The following OPRM1 variants were observed in gnomAD, a reference collection of about 807,000 sequenced individuals.
OPRM1 encodes the protein opioid receptor mu 1.
In OPRM1, 27 loss-of-function variants were observed where a neutral mutation model predicts 31.8. The ratio of observed to expected loss-of-function variants is 0.85; its 90% CI spans 0.63 to 1.17. OPRM1 has a LOEUF of 1.17. OPRM1 is among the 50% of genes most tolerant of loss of function. OPRM1 has a pLI of 0.00. For missense variants in OPRM1, 536 were observed against 511.1 expected (o/e 1.05, Z -0.47); for synonymous variants, 196 against 189.9 (o/e 1.03, Z -0.26).
intron 3 of OPRM1, among the ~76,000 whole-genome samples, chr6:154,175,720 C>T (rs568778385): frequency 1.2e-4 from 19 of 152,270 alleles, no homozygotes; most frequent in South Asian, 6.2e-4. Context: ...CAGATGGATT[C>T]GCAGCCGAAT....
At chr6:154,140,555 C>T (rs1798176528) in intron 3 of OPRM1, among the ~76,000 whole-genome samples, 1 of 152,092 alleles carries the variant, frequency 6.6e-6, no homozygotes, top group African/African-American at 2.4e-5. Context: ...GTCTCAAATT[C>T]CTGACTTCAG....
At chr6:154,019,833 A>G (rs897666311) in intron 1 of OPRM1, among the ~76,000 whole-genome samples, 22 of 147,284 alleles carry the variant, frequency 1.5e-4, no homozygotes, top group African/African-American at 4.6e-4. Context: ...TTCCGGGCTC[A>G]AGCAATCCCC....
chr6:154,095,250 C>A (rs1793160201), intron 3 of OPRM1, among the ~76,000 whole-genome samples: 2 of 152,186 alleles, frequency 1.3e-5, no homozygotes, highest in Non-Finnish European at 2.9e-5. Flanking sequence ...CAGGTCGTGC[C>A]ATTGCACTCC....
chr6:154,208,369 C>T (rs950242749), intron 3 of OPRM1, among the ~76,000 whole-genome samples: 7 of 152,182 alleles, frequency 4.6e-5, no homozygotes, highest in East Asian at 1.9e-4. Flanking sequence ...TTCAAGGTTT[C>T]GCTCAGATCT....
rs35957369 is a variant in OPRM1 at position 154,200,025 on chromosome 6, A to G, written c.1165-46668A>G. 1,530 of 1,613,238 alleles carry G rather than the reference A, an allele frequency of 9.5e-4. 15 individuals are homozygous for G. In the African/African-American group the frequency reaches 0.018, roughly 19 times the overall value. ...CCACTCAGGCTGGGTGAGGATGAAGATGCCTGCTGTGCAGTCTATTTTTCA... is the reference window on the plus strand; with the variant it reads ...CCACTCAGGCTGGGTGAGGATGAAGGTGCCTGCTGTGCAGTCTATTTTTCA... On this transcript the variant is annotated intron_variant, in intron 3 of 3. Coordinates refer to the OPRM1 transcript ENST00000337049.
intron 3 of OPRM1, among the ~76,000 whole-genome samples, chr6:154,191,118 C>A (rs541801216): frequency 5.5e-4 from 83 of 152,084 alleles, no homozygotes; most frequent in African/African-American, 2.0e-3. Flanking sequence ...ATTCATATTA[C>A]CAAATGAAAG....
intron 3 of OPRM1, among the ~76,000 whole-genome samples, chr6:154,094,671 GAGAA>G (rs1396652169): frequency 6.6e-6 from 1 of 152,110 alleles, no homozygotes; most frequent in African/African-American, 2.4e-5. Flanking sequence ...CAGATTCCAA[GAGAA>G]AGAAAGAGAG....
intron 3 of OPRM1, among the ~76,000 whole-genome samples, chr6:154,219,985 AGTGTGTGTGT>A (rs57450665): frequency 0.017 from 2,331 of 140,106 alleles, 56 homozygotes; most frequent in African/African-American, 0.054. Flanking sequence ...ACCTGTAAGG[AGTGTGTGTGT>A]GTGTGTGTGT....
intron 3 of OPRM1, among the ~76,000 whole-genome samples, chr6:154,172,409 A>G (rs916230180): frequency 6.6e-6 from 1 of 152,162 alleles, no homozygotes; most frequent in Non-Finnish European, 1.5e-5. Flanking sequence ...GAGTAACCGT[A>G]CCTGGAGGAA....
intron 3 of OPRM1, among the ~76,000 whole-genome samples, chr6:154,140,407 T>G (rs1798169571): frequency 6.6e-6 from 1 of 151,952 alleles, no homozygotes; most frequent in Admixed American, 6.6e-5. Context: ...CTCAGATCAC[T>G]GCAACCTCCA....
At position 154,091,462 on chromosome 6, in the gene OPRM1, C is replaced by A. The variant is rs1347406881; in HGVS notation, c.1154C>A (p.Thr385Asn). ...HPSTANTVDR[T>N]NHQLENLEAE... ...TCCACGGCCAATACAGTGGATAGAA[C>A]TAATCATCAGGTACGCAGTCTCTAG... The change falls in exon 3 of 4, where the codon ACT (threonine) becomes AAT (asparagine). Residue 385 changes from threonine (T) to asparagine (N), a missense_variant. Coordinates refer to ENST00000330432, the MANE Select transcript of OPRM1 (RefSeq NM_000914.5). 6.2e-7 allele frequency: 1 copy of A among 1,611,614 alleles called. No homozygotes were observed.
At chr6:154,194,593 C>T (rs1237588729) in intron 3 of OPRM1, among the ~76,000 whole-genome samples, 1 of 152,178 alleles carries the variant, frequency 6.6e-6, no homozygotes, top group Non-Finnish European at 1.5e-5. Context: ...CTCTAGATTA[C>T]ACTTGTCACC....
intron 3 of OPRM1, chr6:154,221,365 G>C: frequency 6.5e-7 from 1 of 1,536,084 alleles, no homozygotes. Context: ...TAAAAAATTA[G>C]TGTTTATAGT....
chr6:154,049,443 G>A (rs1781787239), intron 1 of OPRM1, among the ~76,000 whole-genome samples: 1 of 152,130 alleles, frequency 6.6e-6, no homozygotes. Flanking sequence ...CAAATTTTTT[G>A]CTGCTCTATA....
chr6:154,061,927 A>G (rs1461404262), intron 1 of OPRM1, among the ~76,000 whole-genome samples: 1 of 152,194 alleles, frequency 6.6e-6, no homozygotes, highest in African/African-American at 2.4e-5. Context: ...AATGCGTTCT[A>G]TGAAAATTAA....
chr6:154,012,915 G>A (rs116648115), intron 1 of OPRM1, among the ~76,000 whole-genome samples: 1 of 151,964 alleles, frequency 6.6e-6, no homozygotes, highest in Non-Finnish European at 1.5e-5. Flanking sequence ...TCTCATAAGG[G>A]CACTCATCCC....
chr6:154,136,095 C>A (rs959037842), downstream of OPRM1, among the ~76,000 whole-genome samples: 2 of 152,110 alleles, frequency 1.3e-5, no homozygotes, highest in Non-Finnish European at 2.9e-5. Flanking sequence ...GCTGAGACAT[C>A]ATATCCCAGA....
intron 3 of OPRM1, among the ~76,000 whole-genome samples, chr6:154,206,169 A>G (rs1362621156): frequency 6.6e-6 from 1 of 152,218 alleles, no homozygotes; most frequent in Admixed American, 6.5e-5. Flanking sequence ...GTGATATCCC[A>G]TAAAGAATAT....
At chr6:154,182,358 C>T (rs1208122175) in intron 3 of OPRM1, among the ~76,000 whole-genome samples, 3 of 152,100 alleles carry the variant, frequency 2.0e-5, no homozygotes, top group South Asian at 2.1e-4. Context: ...ATTGGGTGAT[C>T]TTTAATGGTT....
Sources: gnomAD v4.1 joint callset for allele counts (sites outside exome capture counted in the v4.1 genomes callset) on GRCh38, gnomAD v4.1.1 for gene constraint, MANE v1.5 for transcripts, NCBI Gene and HGNC (gene_info 2026-07-23, HGNC 2026-07-21) for gene names.